Variants in PIK3R5 observed in about 807,000 individuals in gnomAD.
PIK3R5 encodes phosphoinositide 3-kinase regulatory subunit 5.
A neutral mutation model predicts 94.9 loss-of-function variants in PIK3R5; 32 were observed. The observed-to-expected ratio is 0.34, with a 90% CI of 0.25 to 0.45. The LOEUF is 0.45. Ranked by LOEUF, PIK3R5 falls within the 20% of genes least tolerant of loss-of-function variation. The probability of loss-of-function intolerance (pLI) is 1.00; values close to 1 mark genes in which losing one functional copy is unlikely to be tolerated. For missense variants in PIK3R5, 853 were observed against 1,144.6 expected (o/e 0.75, Z 3.68); for synonymous variants, 443 against 479.4 (o/e 0.92, Z 0.99).
chr17:8,912,364 G>A (rs1323514726), intron 1 of PIK3R5: 1 of 152,212 alleles, frequency 6.6e-6, no homozygotes, highest in Non-Finnish European at 1.5e-5. Context: ...ACTCAAACCT[G>A]GACTCTGATA....
intron 2 of PIK3R5, among the ~76,000 whole-genome samples, chr17:8,910,645 A>C (rs549422740): frequency 5.9e-5 from 9 of 152,310 alleles, no homozygotes; most frequent in African/African-American, 2.2e-4. Context: ...TCCAAAGGCC[A>C]AGGACAGCCT....
intron 1 of PIK3R5, among the ~76,000 whole-genome samples, chr17:8,918,877 A>AGG (rs1442291664): frequency 6.6e-6 from 1 of 152,258 alleles, no homozygotes; most frequent in Non-Finnish European, 1.5e-5. Flanking sequence ...TGAGAAGGGA[A>AGG]GGACACGTCA....
rs796803392 is a variant in PIK3R5 at position 8,948,062 on chromosome 17, A to AAAAAG, written c.-14+17529_-14+17533dup. 3.6e-3 allele frequency among the ~76,000 whole-genome samples: 523 copies of AAAAAG among 146,008 alleles called. 1 individual carries two copies. The highest frequency in any genetic ancestry group is 6.1e-3 in the Non-Finnish European group (407 of 67,232). On this transcript the variant is annotated intron_variant, in intron 1 of 18. Transcript: ENST00000447110. Reference sequence around the variant, plus strand: ...CGTCTTAAAAAAAAAAAAAAAAAAAAAAAAGAAAAGAAAAGAAAAGAAAAA... The same window carrying AAAAAG: ...CGTCTTAAAAAAAAAAAAAAAAAAAAAAAAGAAAAGAAAAGAAAAGAAAAGAAAAA...
In PIK3R5 at chr17:8,911,232, T is replaced by C. The variant is rs2090517647; in HGVS notation, c.103+160A>G. Among the ~76,000 whole-genome samples the C allele has an allele frequency of 6.6e-6, 1 of 152,202 alleles. No homozygotes were observed. The highest frequency in any genetic ancestry group is 6.5e-5 in the Admixed American group (1 of 15,274). Reference sequence around the variant, plus strand: ...ACTGAGGTCTGACTACATCAAGTGCTGCGCCAGGCACCTGCCCAGGAGAAG... The same window carrying C: ...ACTGAGGTCTGACTACATCAAGTGCCGCGCCAGGCACCTGCCCAGGAGAAG... On this transcript the variant is annotated intron_variant, in intron 2 of 18. Transcript: ENST00000447110. This position sits in a 1 kb window ranked among gnomAD's most constrained non-coding sequence, Gnocchi z 5.3.
At chr17:8,920,222 C>T (rs914023246) in intron 1 of PIK3R5, among the ~76,000 whole-genome samples, 2 of 152,126 alleles carry the variant, frequency 1.3e-5, no homozygotes, top group African/African-American at 4.8e-5. Flanking sequence ...ACCTGCCCAA[C>T]TCTTGATGTC....
chr17:8,959,758 GGAA>G (rs1455129489), intron 1 of PIK3R5, among the ~76,000 whole-genome samples: 2 of 152,198 alleles, frequency 1.3e-5, no homozygotes, highest in Non-Finnish European at 2.9e-5. Flanking sequence ...AAGCTTTGGT[GGAA>G]GAAGGATATG....
chr17:8,922,088 C>A (rs1434813306), intron 1 of PIK3R5, among the ~76,000 whole-genome samples: 1 of 151,236 alleles, frequency 6.6e-6, no homozygotes, highest in East Asian at 1.9e-4. Context: ...AACAAACCAC[C>A]CGATTTGTTC....
rs369222890 is a variant in PIK3R5, at chr17:8,879,366, A to G, written c.*1273T>C. On this transcript the variant is annotated 3_prime_UTR_variant, in exon 19 of 19. Transcript: ENST00000447110. This position sits in a 1 kb window ranked among gnomAD's most constrained non-coding sequence, Gnocchi z 4.4. Reference sequence around the variant, plus strand: ...TTTGAATTTCAGACTCTCGTGTCCTATCCTAGGCTGACCATTTCCCATGCA... The same window carrying G: ...TTTGAATTTCAGACTCTCGTGTCCTGTCCTAGGCTGACCATTTCCCATGCA... 6.6e-6 allele frequency: 1 copy of G among 152,238 alleles called. No individual in the cohort carries two copies. Among genetic ancestry groups the G allele is most frequent in the African/African-American group, 2.4e-5 (1 of 41,444 alleles). 9.4% of individuals were successfully genotyped at this position (152,238 alleles called of 1,614,324 possible).
intron 1 of PIK3R5, among the ~76,000 whole-genome samples, chr17:8,932,161 T>C (rs1319096182): frequency 6.6e-6 from 1 of 152,100 alleles, no homozygotes; most frequent in Non-Finnish European, 1.5e-5. Flanking sequence ...ATTATAAATA[T>C]GTTCAGAGAT....
At position 8,889,857 on chromosome 17, in the gene PIK3R5, G is replaced by C. The variant is rs946106851; in HGVS notation, c.811+116C>G. 4.9e-6 allele frequency: 5 copies of C among 1,017,094 alleles called. No homozygotes were observed. The highest frequency in any genetic ancestry group is 7.4e-6 in the Non-Finnish European group (5 of 672,134). 63.0% of individuals were successfully genotyped at this position (1,017,094 alleles called of 1,614,324 possible). On this transcript the variant is annotated intron_variant, in intron 8 of 18. Coordinates refer to ENST00000447110, the MANE Select transcript of PIK3R5 (RefSeq NM_001142633.3). This position sits in a 1 kb window ranked among gnomAD's most constrained non-coding sequence, Gnocchi z 4.1. The stretch of plus-strand genomic sequence containing the variant: ...AGAGCAGTGAGATGCTGAAGAAGCT[G>C]AGTCCCTGAGTGACTGTGTGGAGCA...
chr17:8,915,856 C>T (rs2090619802), intron 1 of PIK3R5: 2 of 152,462 alleles, frequency 1.3e-5, no homozygotes, highest in Admixed American at 1.3e-4. Context: ...TGCCATAGGA[C>T]TGCTGCTAGC....
rs1332503227 is a variant in PIK3R5 at position 8,925,100 on chromosome 17, GTAGA to G, written c.-13-13597_-13-13594del. 1.3e-5 allele frequency among the ~76,000 whole-genome samples: 2 copies of G among 150,888 alleles called. No individual in the cohort carries two copies. The highest frequency in any genetic ancestry group is 1.5e-5 in the Non-Finnish European group (1 of 67,350). The stretch of plus-strand genomic sequence containing the variant: ...TAGATAGATAGTGGATAGATAGAAA[GTAGA>G]TGGATAGATAGATAGTAGATGGATA... On this transcript the variant is annotated intron_variant, in intron 1 of 18. Coordinates refer to ENST00000447110, the MANE Select transcript of PIK3R5 (RefSeq NM_001142633.3). The surrounding 1 kb of genome is among the most constrained non-coding windows in gnomAD (Gnocchi z 5.1).
intron 1 of PIK3R5, among the ~76,000 whole-genome samples, chr17:8,961,105 C>A (rs1313248579): frequency 2.0e-5 from 3 of 152,104 alleles, no homozygotes; most frequent in African/African-American, 7.2e-5. Flanking sequence ...AAAGGAAGAG[C>A]ATCAGGGAAG....
intron 1 of PIK3R5, among the ~76,000 whole-genome samples, chr17:8,931,034 A>C (rs1463422493): frequency 1.3e-5 from 2 of 152,214 alleles, no homozygotes; most frequent in African/African-American, 4.8e-5. Context: ...AAACTGAGAA[A>C]AGGGTACAAA....
chr17:8,886,421 G>A, intron 13 of PIK3R5, 56 bp downstream of exon 13: 1 of 1,600,382 alleles, frequency 6.2e-7, no homozygotes, highest in Non-Finnish European at 8.5e-7. Flanking sequence ...GGCAGGGGTG[G>A]GGCCTTGCAG....
rs537488970 is a variant in PIK3R5, at chr17:8,904,656, G to A, written c.412+121C>T. ...AGACTCCATGTTTGTGAACCAAGGC[G>A]TTGGCAGAGATGAATCAAAGGATGC... On this transcript the variant is annotated intron_variant, in intron 5 of 18. Transcript: ENST00000447110. This position sits in a 1 kb window ranked among gnomAD's most constrained non-coding sequence, Gnocchi z 5.1. The A allele has an allele frequency of 1.9e-5, 18 of 944,848 alleles. No individual in the cohort carries two copies. Among genetic ancestry groups the A allele is most frequent in the South Asian group, 7.7e-5 (5 of 64,630 alleles). 58.5% of individuals were successfully genotyped at this position (944,848 alleles called of 1,614,324 possible).
chr17:8,942,963 T>TACACACAC (rs112851950), intron 1 of PIK3R5, among the ~76,000 whole-genome samples: 42,421 of 148,966 alleles, frequency 0.28, 6,375 homozygotes, highest in Non-Finnish European at 0.35. Context: ...GATCACGTCA[T>TACACACAC]ACACACACAC....
In PIK3R5 at chr17:8,889,308, A is replaced by C; in HGVS notation, c.812-86T>G. The stretch of plus-strand genomic sequence containing the variant: ...CCAGTCCCCTTGCCTTGGAGAAGAG[A>C]CCAGAGATGGGACAGGATCGGCACA... On this transcript the variant is annotated intron_variant, in intron 8 of 18. Transcript: ENST00000447110. The surrounding 1 kb of genome is among the most constrained non-coding windows in gnomAD (Gnocchi z 4.1). The C allele has an allele frequency of 1.0e-6, 1 of 953,106 alleles. No individual in the cohort carries two copies. Among genetic ancestry groups the C allele is most frequent in the Non-Finnish European group, 1.6e-6 (1 of 621,236 alleles). The allele number at this position is 953,106 out of a possible 1,614,324, so 59.0% of individuals were successfully genotyped here. A position where few individuals can be genotyped will look rare whatever the true frequency, so the allele number is the denominator to read the frequency against.
intron 1 of PIK3R5, among the ~76,000 whole-genome samples, chr17:8,917,431 G>A (rs909749499): frequency 6.6e-6 from 1 of 152,208 alleles, no homozygotes; most frequent in Non-Finnish European, 1.5e-5. Context: ...GACGGGGATA[G>A]GGAATGAAAG....
Sources: allele counts gnomAD v4.1 joint callset (sites outside exome capture counted in the v4.1 genomes callset), GRCh38; gene constraint gnomAD v4.1.1; non-coding constraint Gnocchi (gnomAD v3.1); transcripts MANE v1.5; gene names NCBI Gene and HGNC (gene_info 2026-07-23, HGNC 2026-07-21).